Variants in MECOM observed in about 807,000 individuals in gnomAD.
MECOM encodes the protein histone-lysine N-methyltransferase MECOM.
MECOM carries 13 observed loss-of-function variants against 116.3 expected under a neutral mutation model. The observed-to-expected ratio is 0.11, with a 90% CI of 0.07 to 0.18. MECOM has a LOEUF of 0.18. Among genes scored for constraint, MECOM ranks in the 10% least tolerant of loss-of-function variants. The pLI is 1.00. For synonymous variants in MECOM, 528 were observed against 535.2 expected, an observed-to-expected ratio of 0.99 and a Z score of 0.19; for missense variants, 1,299 against 1,509.0, an observed-to-expected ratio of 0.86 and a Z score of 2.31.
intron 2 of MECOM, among the ~76,000 whole-genome samples, chr3:169,376,255 T>C (rs1731014718): frequency 1.3e-5 from 2 of 152,138 alleles, no homozygotes; most frequent in Non-Finnish European, 2.9e-5. Context: ...AGCATTCCCT[T>C]TGAAAACTGG....
chr3:169,168,783 G>A (rs1743987260), intron 2 of MECOM, among the ~76,000 whole-genome samples: 1 of 151,542 alleles, frequency 6.6e-6, no homozygotes, highest in Non-Finnish European at 1.5e-5. Context: ...AAAAAAGTTG[G>A]AATACTAGGG....
chr3:169,372,774 T>G (rs1730356068), intron 2 of MECOM, among the ~76,000 whole-genome samples: 1 of 151,958 alleles, frequency 6.6e-6, no homozygotes, highest in African/African-American at 2.4e-5. Context: ...ATTTTACCCT[T>G]ACAACAACTC....
chr3:169,656,663 A>G (rs907998423), intron 1 of MECOM, among the ~76,000 whole-genome samples: 2 of 152,198 alleles, frequency 1.3e-5, no homozygotes, highest in African/African-American at 4.8e-5. Flanking sequence ...GCATGGGTTG[A>G]TGGTATTTTT....
At chr3:169,449,534 G>A (rs1745200858) in intron 1 of MECOM, among the ~76,000 whole-genome samples, 1 of 152,122 alleles carries the variant, frequency 6.6e-6, no homozygotes, top group Non-Finnish European at 1.5e-5. Flanking sequence ...TATAATTTAT[G>A]AGGTGTTAGA....
At chr3:169,651,355 T>A (rs1774889031) in intron 1 of MECOM, among the ~76,000 whole-genome samples, 1 of 152,246 alleles carries the variant, frequency 6.6e-6, no homozygotes, top group Non-Finnish European at 1.5e-5. Context: ...GCAAGTGATA[T>A]GAAACCCACT....
At chr3:169,220,393 A>T (rs1209001079) in intron 2 of MECOM, among the ~76,000 whole-genome samples, 1 of 152,022 alleles carries the variant, frequency 6.6e-6, no homozygotes, top group Non-Finnish European at 1.5e-5. Flanking sequence ...CCTTACCTAA[A>T]ATTTCTACCT....
At chr3:169,225,030 T>C (rs1178314484) in intron 2 of MECOM, among the ~76,000 whole-genome samples, 1 of 152,220 alleles carries the variant, frequency 6.6e-6, no homozygotes, top group Admixed American at 6.5e-5. Context: ...CTTAAATATT[T>C]ACCTAACTTA....
At chr3:169,281,444 G>C (rs1711980224) in intron 2 of MECOM, among the ~76,000 whole-genome samples, 1 of 152,170 alleles carries the variant, frequency 6.6e-6, no homozygotes, top group South Asian at 2.1e-4. Context: ...ATCCCAGATA[G>C]ATTTAAATTC....
intron 1 of MECOM, among the ~76,000 whole-genome samples, chr3:169,644,870 T>G (rs1773962875): frequency 2.6e-5 from 4 of 152,178 alleles, no homozygotes; most frequent in African/African-American, 7.2e-5. Context: ...GTGTGGGCCC[T>G]TCAGGTGTCC....
intron 2 of MECOM, among the ~76,000 whole-genome samples, chr3:169,190,796 GC>G (rs561907254): frequency 4.1e-4 from 62 of 152,094 alleles, no homozygotes; most frequent in African/African-American, 1.3e-3. Flanking sequence ...ATGCATAAAA[GC>G]AGCCCAGGTC....
chr3:169,361,579 T>C (rs987941407), intron 2 of MECOM, among the ~76,000 whole-genome samples: 4 of 151,892 alleles, frequency 2.6e-5, no homozygotes, highest in African/African-American at 9.7e-5. Context: ...TATTCATATT[T>C]AATATTCACA....
At chr3:169,213,451 T>C (rs1409638429) in intron 2 of MECOM, among the ~76,000 whole-genome samples, 2 of 152,184 alleles carry the variant, frequency 1.3e-5, no homozygotes, top group East Asian at 1.9e-4. Context: ...GTTTATACCA[T>C]GTGAAATATT....
At chr3:169,322,405 G>A (rs111953983) in intron 2 of MECOM, among the ~76,000 whole-genome samples, 18 of 152,120 alleles carry the variant, frequency 1.2e-4, no homozygotes, top group African/African-American at 1.7e-4. Context: ...TTTGTATACC[G>A]CTTTATTCTC....
At chr3:169,413,992 C>T (rs949124111) in intron 1 of MECOM, among the ~76,000 whole-genome samples, 1 of 152,230 alleles carries the variant, frequency 6.6e-6, no homozygotes, top group Admixed American at 6.5e-5. Flanking sequence ...TGCCTGCCTG[C>T]TCTGAAGAGA....
rs528638142 is a variant in MECOM, at chr3:169,537,627, C to T, written c.37+125709G>A. 4.6e-5 allele frequency among the ~76,000 whole-genome samples: 7 copies of T among 152,004 alleles called. No individual in the cohort carries two copies. The South Asian group carries it at 1.5e-3, about 32-fold the overall frequency. The stretch of plus-strand genomic sequence containing the variant: ...GGTCTGGACAATTTTAACGGTCATC[C>T]CCTTAGCCCTGGTTTAATATACAGT... On this transcript the variant is annotated intron_variant, in intron 1 of 16. Coordinates refer to ENST00000651503, the MANE Select transcript of MECOM (RefSeq NM_004991.4).
chr3:169,223,206 G>T (rs1252910156), intron 2 of MECOM, among the ~76,000 whole-genome samples: 1 of 151,288 alleles, frequency 6.6e-6, no homozygotes, highest in Non-Finnish European at 1.5e-5. Context: ...GTATACATGT[G>T]CCATGTTGGT....
At chr3:169,271,463 AAAC>A (rs1304686143) in intron 2 of MECOM, among the ~76,000 whole-genome samples, 2 of 152,224 alleles carry the variant, frequency 1.3e-5, no homozygotes, top group Non-Finnish European at 2.9e-5. Flanking sequence ...TCTGATATTA[AAAC>A]AACAACAATA....
chr3:169,440,868 G>A (rs1168757177), intron 1 of MECOM, among the ~76,000 whole-genome samples: 1 of 152,116 alleles, frequency 6.6e-6, no homozygotes, highest in Non-Finnish European at 1.5e-5. Flanking sequence ...CTCTGGATAT[G>A]AAGAGATATT....
chr3:169,137,922 A>G (rs192607415), intron 3 of MECOM, among the ~76,000 whole-genome samples: 2 of 152,194 alleles, frequency 1.3e-5, no homozygotes, highest in African/African-American at 4.8e-5. Flanking sequence ...GTCTATCTAC[A>G]GACCCCCCAA....
Sources: allele counts gnomAD v4.1 joint callset (sites outside exome capture counted in the v4.1 genomes callset), GRCh38; gene constraint gnomAD v4.1.1; transcripts MANE v1.5; gene names NCBI Gene and HGNC (gene_info 2026-07-23, HGNC 2026-07-21).